GTF2A2: variants seen among roughly 807,000 people sequenced by gnomAD.
GTF2A2 encodes the protein transcription initiation factor IIA subunit 2.
A neutral mutation model predicts 14.3 loss-of-function variants in GTF2A2; 9 were observed. That is an observed-to-expected ratio of 0.63 (90% CI 0.38 to 1.10). The LOEUF is 1.10. GTF2A2 is among the 50% of genes least tolerant of loss of function. GTF2A2 has a pLI of 0.01. For missense variants in GTF2A2, 90 were observed against 124.6 expected (o/e 0.72, Z 1.32); for synonymous variants, 56 against 46.0 (o/e 1.22, Z -0.88).
intron 2 of GTF2A2, 121 bp from the exon 3 acceptor site, chr15:59,650,894 T>C: frequency 1.7e-6 from 1 of 598,516 alleles, no homozygotes; most frequent in Non-Finnish European, 2.9e-6. Context: ...TAAACTAGAA[T>C]TCCTTTATCT....
intron 2 of GTF2A2, 134 bp downstream of exon 2, chr15:59,652,072 A>C: frequency 1.7e-6 from 1 of 596,922 alleles, no homozygotes; most frequent in South Asian, 2.1e-5. Context: ...GAGGTAATTT[A>C]ATCAGTGTTA....
chr15:59,643,242 G>C (rs1373854834), intron 3 of GTF2A2, among the ~76,000 whole-genome samples: 3 of 151,666 alleles, frequency 2.0e-5, no homozygotes, highest in African/African-American at 7.3e-5. Flanking sequence ...ACCACGCCTA[G>C]CTAACTTTTG....
chr15:59,655,487 C>G (rs1891915824), intron 1 of GTF2A2, among the ~76,000 whole-genome samples: 1 of 152,234 alleles, frequency 6.6e-6, no homozygotes, highest in African/African-American at 2.4e-5. Flanking sequence ...CAGGATCTTA[C>G]CTTGGCTTCT....
At chr15:59,656,420 A>C (rs1294682803) in intron 1 of GTF2A2, among the ~76,000 whole-genome samples, 8 of 114,522 alleles carry the variant, frequency 7.0e-5, no homozygotes, top group African/African-American at 2.4e-4. Context: ...GTACTCCTTT[A>C]TATTTCTCTT....
chr15:59,643,074 T>C (rs1891485033), intron 3 of GTF2A2, among the ~76,000 whole-genome samples: 2 of 32,596 alleles, frequency 6.1e-5, no homozygotes, highest in Admixed American at 6.1e-4. Context: ...CCTATATAAT[T>C]TTTTTTTTTT....
chr15:59,640,812 G>GAAAC (rs139557706), intron 4 of GTF2A2, among the ~76,000 whole-genome samples: 1 of 152,192 alleles, frequency 6.6e-6, no homozygotes, highest in Non-Finnish European at 1.5e-5. Context: ...TGTGATTCAG[G>GAAAC]AAACAGCACC....
chr15:59,655,188 G>A (rs1172186150), intron 1 of GTF2A2, among the ~76,000 whole-genome samples: 5 of 152,050 alleles, frequency 3.3e-5, no homozygotes, highest in African/African-American at 1.2e-4. Context: ...CAAACACATA[G>A]GTGGCTACTT....
chr15:59,641,171 C>T (rs946637836), intron 4 of GTF2A2, among the ~76,000 whole-genome samples: 1 of 126,960 alleles, frequency 7.9e-6, no homozygotes, highest in South Asian at 2.4e-4. Flanking sequence ...CTGGGCAATA[C>T]AGCAAGACTC....
intron 3 of GTF2A2, among the ~76,000 whole-genome samples, chr15:59,643,497 G>A (rs1370466080): frequency 2.6e-5 from 4 of 151,798 alleles, no homozygotes; most frequent in Non-Finnish European, 5.9e-5. Flanking sequence ...GATTACAGGC[G>A]TGAGCCACCA....
At chr15:59,641,957 GTA>G (rs1369966703) in intron 4 of GTF2A2, among the ~76,000 whole-genome samples, 177 bp downstream of exon 4, 1 of 152,174 alleles carries the variant, frequency 6.6e-6, no homozygotes, top group African/African-American at 2.4e-5. Flanking sequence ...AAGTCACAAA[GTA>G]AGAGCACTGT....
At chr15:59,656,409 C>T (rs559435882) in intron 1 of GTF2A2, among the ~76,000 whole-genome samples, 18 of 144,478 alleles carry the variant, frequency 1.2e-4, no homozygotes, top group Non-Finnish European at 2.3e-4. Flanking sequence ...GGAACTTTCC[C>T]GTACTCCTTT....
chr15:59,645,211 T>C lies in GTF2A2; in HGVS notation c.178-2949A>G, dbSNP rs112452113. Among the ~76,000 whole-genome samples, 465 of 152,294 alleles carry C rather than the reference T, an allele frequency of 3.1e-3. 4 individuals are homozygous for C. In the Middle Eastern group the frequency reaches 0.048, roughly 16 times the overall value. ...GGAGTAAAGTTAAATTTGGAACTTG[T>C]TGAATTTCAGGTATATCTAAGTCAT... is the stretch of plus-strand genomic sequence containing the variant. On this transcript the variant is annotated intron_variant, in intron 3 of 4. Coordinates refer to ENST00000396060, the MANE Select transcript of GTF2A2 (RefSeq NM_004492.3).
At chr15:59,644,748 G>C in intron 3 of GTF2A2, among the ~76,000 whole-genome samples, 1 of 151,936 alleles carries the variant, frequency 6.6e-6, no homozygotes, top group Non-Finnish European at 1.5e-5. Flanking sequence ...ATAATGGAAA[G>C]GAAGACAAAC....
chr15:59,640,678 G>A (rs191082408), intron 4 of GTF2A2, among the ~76,000 whole-genome samples: 23 of 152,146 alleles, frequency 1.5e-4, no homozygotes, highest in African/African-American at 4.6e-4. Flanking sequence ...AGAGATCTAG[G>A]TATTATAAAT....
chr15:59,646,359 C>T (rs1376330809), intron 3 of GTF2A2, among the ~76,000 whole-genome samples: 2 of 152,120 alleles, frequency 1.3e-5, no homozygotes, highest in Non-Finnish European at 2.9e-5. Context: ...CCTTGCCTTA[C>T]TTTCTCTTTT....
rs1891392566 is a variant in GTF2A2, at chr15:59,640,818, GCAC to G, written c.304+1315_304+1317del. ...ATGTTATCTTGTGATTCAGGAAACA[GCAC>G]CACCTTCACAGGAATTTAAAAAAGA... On this transcript the variant is annotated intron_variant, in intron 4 of 4. Coordinates refer to ENST00000396060, the MANE Select transcript of GTF2A2 (RefSeq NM_004492.3). Among the ~76,000 whole-genome samples, 5 of 152,144 alleles carry G rather than the reference GCAC, an allele frequency of 3.3e-5. No homozygotes were observed. The South Asian group carries it at 1.0e-3, about 32-fold the overall frequency.
Position 59,638,910 on chromosome 15 carries a change from C to T in GTF2A2, c.*222G>A, listed in dbSNP as rs1891278907. 2.2e-6 allele frequency: 1 copy of T among 457,060 alleles called. No individual in the cohort carries two copies. Among genetic ancestry groups the T allele is most frequent in the Non-Finnish European group, 4.0e-6 (1 of 252,248 alleles). The allele number at this position is 457,060 out of a possible 1,614,324, so 28.3% of individuals were successfully genotyped here. A position where few individuals can be genotyped will look rare whatever the true frequency, so the allele number is the denominator to read the frequency against. On this transcript the variant is annotated 3_prime_UTR_variant, in exon 5 of 5. Transcript: ENST00000396060. ...TTATTAAAGAAGGTTCTTAGGAAGG[C>T]AACAACTTTTGTCCTTAAAAAAAAG...
chr15:59,655,955 C>T (rs74759645), intron 1 of GTF2A2, among the ~76,000 whole-genome samples: 2 of 152,174 alleles, frequency 1.3e-5, no homozygotes, highest in East Asian at 3.9e-4. Flanking sequence ...GGGCCACTCT[C>T]GTCATCTGGA....
rs150902891 is a variant in GTF2A2, at chr15:59,645,813, G to A, written c.178-3551C>T. Among the ~76,000 whole-genome samples, 118 of 151,988 alleles carry A rather than the reference G, an allele frequency of 7.8e-4. 1 individual carries two copies. In the East Asian group the frequency reaches 0.02, roughly 25 times the overall value. ...CACTTCGGGATGCTGAGGTGGGAGG[G>A]TCACTGAGGTGAGGAGTTCAAGACC... On this transcript the variant is annotated intron_variant, in intron 3 of 4. Transcript: ENST00000396060.
Sources: gnomAD v4.1 joint callset for allele counts (sites outside exome capture counted in the v4.1 genomes callset) on GRCh38, gnomAD v4.1.1 for gene constraint, MANE v1.5 for transcripts, NCBI Gene and HGNC (gene_info 2026-07-23, HGNC 2026-07-21) for gene names.